PDE10A: variants seen among roughly 807,000 people sequenced by gnomAD.
The protein encoded by PDE10A is cAMP and cAMP-inhibited cGMP 3',5'-cyclic phosphodiesterase 10A.
A neutral mutation model predicts 97.7 loss-of-function variants in PDE10A; 39 were observed. The ratio of observed to expected loss-of-function variants is 0.40; its 90% confidence interval spans 0.31 to 0.52. The LOEUF (loss-of-function observed/expected upper bound fraction) is 0.52, where lower values mean the gene tolerates loss of function less well. PDE10A is among the 20% of genes least tolerant of loss of function. The pLI is 0.56. For synonymous variants in PDE10A, 371 were observed against 376.8 expected, an observed-to-expected ratio of 0.98 and a Z score of 0.18; for missense variants, 731 against 1,047.8, an observed-to-expected ratio of 0.70 and a Z score of 4.17.
At chr6:165,834,962 T>C (rs60398222) in intron 1 of PDE10A, among the ~76,000 whole-genome samples, 9,307 of 152,298 alleles carry the variant, frequency 0.061, 399 homozygotes, top group African/African-American at 0.12. Flanking sequence ...TGGAGAGGCC[T>C]AGCCAGGGCT....
At chr6:165,696,072 A>G (rs1791436658) in intron 1 of PDE10A, among the ~76,000 whole-genome samples, 1 of 152,146 alleles carries the variant, frequency 6.6e-6, no homozygotes, top group Non-Finnish European at 1.5e-5. Context: ...CTCAAGCAGC[A>G]ACATCAGAGA....
At chr6:165,390,255 C>CA (rs982255610) in intron 16 of PDE10A, among the ~76,000 whole-genome samples, 2 of 152,208 alleles carry the variant, frequency 1.3e-5, no homozygotes, top group Non-Finnish European at 2.9e-5. Context: ...CGATTGAAGA[C>CA]ACTGAGCACT....
In PDE10A at chr6:165,431,459, T is replaced by C. The variant is rs763824170; in HGVS notation, c.1505A>G (p.Asn502Ser). ...TATTGCTACTGAAGCCCAGGCAAGA[T>C]TTGCTGTTGCAACCTAAAAAAAACA... ...CLSHQEVATA[N>S]LAWASVAIHQ... The change falls in exon 8 of 22, where the codon AAT becomes AGT. Residue 502 changes from asparagine (N) to serine (S), a missense_variant. Physicochemically the swap from Asn to Ser is conservative, Grantham distance 46. This residue lies in a region of PDE10A where 152 missense variants were observed against 199.3 expected (regional missense o/e 0.76). Transcript: ENST00000539869. 1.1e-5 allele frequency: 17 copies of C among 1,598,026 alleles called. No homozygotes were observed. In the Admixed American group the frequency reaches 1.2e-4, roughly 11 times the overall value.
At chr6:165,927,528 C>T (rs552211616) in intron 1 of PDE10A, among the ~76,000 whole-genome samples, 3 of 151,230 alleles carry the variant, frequency 2.0e-5, no homozygotes, top group East Asian at 1.9e-4. Flanking sequence ...GAAGAATATA[C>T]GCAAAGGTAT....
At chr6:165,449,272 T>C (rs765067464) in intron 4 of PDE10A, among the ~76,000 whole-genome samples, 1 of 152,248 alleles carries the variant, frequency 6.6e-6, no homozygotes, top group Non-Finnish European at 1.5e-5. Flanking sequence ...AATTATTGAA[T>C]ATTTTTTAAA....
chr6:165,532,348 C>T (rs541734939), intron 2 of PDE10A, among the ~76,000 whole-genome samples: 16 of 151,016 alleles, frequency 1.1e-4, no homozygotes, highest in African/African-American at 1.7e-4. Context: ...ATGTGCGTAA[C>T]GCTTGCTAAG....
chr6:165,938,391 A>G (rs1279456045), intron 1 of PDE10A, among the ~76,000 whole-genome samples: 1 of 152,258 alleles, frequency 6.6e-6, no homozygotes, highest in Non-Finnish European at 1.5e-5. Flanking sequence ...TGTTGTTTTC[A>G]TTAAAATGGC....
At chr6:165,653,706 A>G (rs1789797477) in intron 1 of PDE10A, among the ~76,000 whole-genome samples, 1 of 152,232 alleles carries the variant, frequency 6.6e-6, no homozygotes, top group Non-Finnish European at 1.5e-5. Context: ...AGCAAGGCAC[A>G]GCTCTGATGC....
chr6:165,359,296 A>G (rs1459942549), intron 18 of PDE10A, among the ~76,000 whole-genome samples: 2 of 152,098 alleles, frequency 1.3e-5, no homozygotes, highest in Non-Finnish European at 2.9e-5. Flanking sequence ...TGCTGACAAC[A>G]TATTCTTCCA....
intron 3 of PDE10A, among the ~76,000 whole-genome samples, chr6:165,461,286 G>C (rs1778312823): frequency 6.6e-6 from 1 of 152,118 alleles, no homozygotes; most frequent in African/African-American, 2.4e-5. Flanking sequence ...AAGACTGTTT[G>C]TTTGCTATCC....
chr6:165,481,309 T>C (rs2128280543), intron 3 of PDE10A, among the ~76,000 whole-genome samples: 1 of 152,232 alleles, frequency 6.6e-6, no homozygotes, highest in Non-Finnish European at 1.5e-5. Context: ...AAATGTGACA[T>C]TAATAGCGAA....
intron 3 of PDE10A, among the ~76,000 whole-genome samples, chr6:165,461,003 T>C (rs1303289311): frequency 6.6e-6 from 1 of 152,186 alleles, no homozygotes; most frequent in Non-Finnish European, 1.5e-5. Flanking sequence ...GATAAGCCAA[T>C]TTGGATAGAA....
chr6:165,352,571 C>G lies in PDE10A; in HGVS notation c.2784-9069G>C, dbSNP rs1427134842. Among the ~76,000 whole-genome samples the G allele has an allele frequency of 2.0e-5, 3 of 151,600 alleles. No individual in the cohort carries two copies. In the East Asian group the frequency reaches 5.8e-4, roughly 29 times the overall value. ...GAAACTAAGTTGGATATTTACCAAG[C>G]TCATAAACAACAAGCATTTTAAAAG... On this transcript the variant is annotated intron_variant, in intron 18 of 21. Coordinates refer to ENST00000539869, the MANE Select transcript of PDE10A (RefSeq NM_001385079.1).
chr6:165,562,553 A>T (rs1235873360), intron 1 of PDE10A, among the ~76,000 whole-genome samples: 1 of 152,290 alleles, frequency 6.6e-6, no homozygotes, highest in East Asian at 1.9e-4. Flanking sequence ...TTTGTTTAGC[A>T]TCTACATTCC....
At chr6:165,824,316 A>G (rs1420684059) in intron 1 of PDE10A, among the ~76,000 whole-genome samples, 7 of 152,254 alleles carry the variant, frequency 4.6e-5, no homozygotes, top group Non-Finnish European at 1.0e-4. Flanking sequence ...CAAAACAAAA[A>G]TTCAACAAAA....
chr6:165,944,799 A>T (rs1464648498), intron 1 of PDE10A, among the ~76,000 whole-genome samples: 3 of 152,236 alleles, frequency 2.0e-5, no homozygotes, highest in Non-Finnish European at 2.9e-5. Context: ...TAAATACTGC[A>T]GTAAATATGT....
rs1187635836 is a variant in PDE10A at position 165,492,519 on chromosome 6, A to G, written c.995-10176T>C. Among the ~76,000 whole-genome samples, 3 of 152,036 alleles carry G rather than the reference A, an allele frequency of 2.0e-5. No homozygotes were observed. The East Asian group carries it at 5.8e-4, about 29-fold the overall frequency. On this transcript the variant is annotated intron_variant, in intron 2 of 21. Coordinates refer to ENST00000539869, the MANE Select transcript of PDE10A (RefSeq NM_001385079.1). ...TCCTCCATGATCAAGTGGGTTTCAT[A>G]GCAGGGATGGTTTAACATTCACAAG...
intron 1 of PDE10A, among the ~76,000 whole-genome samples, chr6:165,847,704 G>A (rs1204240855): frequency 6.6e-6 from 1 of 152,242 alleles, no homozygotes; most frequent in Non-Finnish European, 1.5e-5. Context: ...TAAGCCAGCA[G>A]ATTTTTTTGT....
chr6:165,953,684 C>G (rs1325956207), intron 1 of PDE10A, among the ~76,000 whole-genome samples: 1 of 152,192 alleles, frequency 6.6e-6, no homozygotes, highest in Non-Finnish European at 1.5e-5. Flanking sequence ...CCCCGGCATC[C>G]TCTACTATCT....
Sources: gnomAD v4.1 joint callset for allele counts (sites outside exome capture counted in the v4.1 genomes callset) on GRCh38, gnomAD v4.1.1 for gene constraint, gnomAD v4.1.1 regional missense constraint, MANE v1.5 for transcripts, NCBI Gene and HGNC (gene_info 2026-07-23, HGNC 2026-07-21) for gene names.